Variants in DPYD observed in about 807,000 individuals in gnomAD.
DPYD encodes the protein dihydropyrimidine dehydrogenase.
A neutral mutation model predicts 116.2 loss-of-function variants in DPYD; 109 were observed. That is an observed-to-expected ratio of 0.94 (90% CI 0.80 to 1.10). The LOEUF (loss-of-function observed/expected upper bound fraction) is 1.10. DPYD is among the 50% of genes least tolerant of loss of function. The pLI, the probability that DPYD is intolerant of heterozygous loss-of-function variation, is 0.00. For missense variants in DPYD, 1,302 were observed against 1,254.5 expected (o/e 1.04, Z -0.57); for synonymous variants, 440 against 432.0 (o/e 1.02, Z -0.23).
chr1:97,866,179 T>C (rs1671366653), intron 2 of DPYD, among the ~76,000 whole-genome samples: 1 of 151,956 alleles, frequency 6.6e-6, no homozygotes, highest in African/African-American at 2.4e-5. Context: ...TTCCATTCAT[T>C]CTCCTAACCA....
chr1:97,791,509 G>C (rs968027158), intron 3 of DPYD, among the ~76,000 whole-genome samples: 1 of 152,178 alleles, frequency 6.6e-6, no homozygotes, highest in South Asian at 2.1e-4. Flanking sequence ...TGTACCATGT[G>C]TAAATTTTTT....
intron 16 of DPYD, among the ~76,000 whole-genome samples, chr1:97,361,507 A>G (rs953507041): frequency 1.3e-5 from 2 of 152,210 alleles, no homozygotes; most frequent in African/African-American, 4.8e-5. Context: ...ACAAAAAAAG[A>G]GAATTTTAGA....
chr1:97,194,431 C>T (rs1231246029), intron 19 of DPYD, among the ~76,000 whole-genome samples: 2 of 152,246 alleles, frequency 1.3e-5, no homozygotes, highest in South Asian at 2.1e-4. Context: ...AGGCCTCCCC[C>T]AGAAATGTTG....
intron 19 of DPYD, among the ~76,000 whole-genome samples, chr1:97,210,549 G>T (rs1659966704): frequency 6.6e-6 from 1 of 152,052 alleles, no homozygotes; most frequent in South Asian, 2.1e-4. Flanking sequence ...TCTGCTTTGT[G>T]CCTAATATTA....
At chr1:97,115,993 T>C (rs1651936552) in intron 20 of DPYD, among the ~76,000 whole-genome samples, 1 of 152,150 alleles carries the variant, frequency 6.6e-6, no homozygotes, top group African/African-American at 2.4e-5. Flanking sequence ...ATATGGGGTG[T>C]TGGCAAATTA....
intron 13 of DPYD, among the ~76,000 whole-genome samples, chr1:97,505,986 T>A (rs982796725): frequency 6.6e-6 from 1 of 151,846 alleles, no homozygotes; most frequent in African/African-American, 2.4e-5. Flanking sequence ...ATAGGGCAGT[T>A]TGAGTGAATA....
rs188381686 is a variant in DPYD at position 97,473,534 on chromosome 1, G to A, written c.1741-23311C>T. On this transcript the variant is annotated intron_variant, in intron 13 of 22. Transcript: ENST00000370192. ...AAAGAGCCAAAAAGTATATGAAGAG[G>A]TGCTCAATAGTTCCAATCACCAGGG... 2.2e-3 allele frequency among the ~76,000 whole-genome samples: 330 copies of A among 152,220 alleles called. 3 individuals are homozygous for A. Among genetic ancestry groups the A allele is most frequent in the Middle Eastern group, 0.014 (4 of 294 alleles).
rs60455988 is a variant in DPYD, at chr1:97,106,684, C to T, written c.2623-8052G>A. On this transcript the variant is annotated intron_variant, in intron 20 of 22. Transcript: ENST00000370192. ...CATAGAGTTAAGTATGCCATTGGCT[C>T]CCCCAGTTTTTAGGCCTTCAGAGTC... Among the ~76,000 whole-genome samples, 886 of 152,180 alleles carry T rather than the reference C, an allele frequency of 5.8e-3. 6 individuals are homozygous for T. Among genetic ancestry groups the T allele is most frequent in the African/African-American group, 0.02 (821 of 41,534 alleles).
chr1:97,625,241 T>A (rs970352964), intron 8 of DPYD, among the ~76,000 whole-genome samples: 3 of 152,064 alleles, frequency 2.0e-5, no homozygotes, highest in African/African-American at 7.2e-5. Context: ...ATTATAACTG[T>A]CAATTTATAA....
At chr1:97,144,929 G>A (rs1012631115) in intron 20 of DPYD, among the ~76,000 whole-genome samples, 9 of 152,090 alleles carry the variant, frequency 5.9e-5, no homozygotes, top group African/African-American at 2.2e-4. Flanking sequence ...ACCTTTCAAC[G>A]TGGTGGCTGA....
At chr1:97,139,377 A>G (rs1439401035) in intron 20 of DPYD, among the ~76,000 whole-genome samples, 1 of 152,188 alleles carries the variant, frequency 6.6e-6, no homozygotes, top group African/African-American at 2.4e-5. Flanking sequence ...AAATTTATGT[A>G]TTCTGAAAAT....
intron 3 of DPYD, among the ~76,000 whole-genome samples, chr1:97,743,203 G>C (rs1014549129): frequency 1.3e-5 from 2 of 152,120 alleles, no homozygotes; most frequent in Admixed American, 6.6e-5. Flanking sequence ...TGTTGAAAAT[G>C]TCAGATGTTA....
intron 10 of DPYD, among the ~76,000 whole-genome samples, chr1:97,586,932 C>G (rs1571010411): frequency 6.6e-6 from 1 of 152,032 alleles, no homozygotes; most frequent in South Asian, 2.1e-4. Flanking sequence ...GCCTTCCTGT[C>G]CAGATTCCAC....
intron 16 of DPYD, among the ~76,000 whole-genome samples, chr1:97,371,545 G>A (rs1211753643): frequency 6.6e-6 from 1 of 152,188 alleles, no homozygotes; most frequent in Non-Finnish European, 1.5e-5. Context: ...AAAGGAACTA[G>A]AGGAAAAGGC....
chr1:97,114,241 C>T (rs1470645605), intron 20 of DPYD, among the ~76,000 whole-genome samples: 2 of 152,030 alleles, frequency 1.3e-5, no homozygotes, highest in Non-Finnish European at 2.9e-5. Flanking sequence ...CGGGTTAAGT[C>T]CATACCTGAA....
At chr1:97,244,987 AT>A (rs1462458678) in intron 18 of DPYD, among the ~76,000 whole-genome samples, 1 of 152,034 alleles carries the variant, frequency 6.6e-6, no homozygotes, top group East Asian at 1.9e-4. Flanking sequence ...AGCCTTTATA[AT>A]TTTTAAGCTG....
chr1:97,652,471 A>T (rs950825646), intron 8 of DPYD, among the ~76,000 whole-genome samples: 2 of 152,246 alleles, frequency 1.3e-5, no homozygotes, highest in African/African-American at 2.4e-5. Flanking sequence ...GTATAGTGCT[A>T]ATAACTTTAC....
intron 3 of DPYD, among the ~76,000 whole-genome samples, chr1:97,813,035 C>A (rs1338638161): frequency 6.6e-6 from 1 of 152,078 alleles, no homozygotes; most frequent in Non-Finnish European, 1.5e-5. Flanking sequence ...AATAGACTTT[C>A]ATTTTGGTGG....
chr1:97,530,985 A>T (rs1649578393), intron 12 of DPYD, among the ~76,000 whole-genome samples: 1 of 151,660 alleles, frequency 6.6e-6, no homozygotes. Flanking sequence ...TTGCTATTGA[A>T]TTTTAAAAGT....
Sources: gnomAD v4.1 joint callset for allele counts (sites outside exome capture counted in the v4.1 genomes callset) on GRCh38, gnomAD v4.1.1 for gene constraint, MANE v1.5 for transcripts, NCBI Gene and HGNC (gene_info 2026-07-23, HGNC 2026-07-21) for gene names.